Variants in LRRC4C observed in about 807,000 individuals in gnomAD.
The protein encoded by LRRC4C is leucine-rich repeat-containing protein 4C.
Under a neutral mutation model 33.6 loss-of-function variants are expected in LRRC4C, and 5 were observed. The ratio of observed to expected loss-of-function variants is 0.15; its 90% CI spans 0.08 to 0.31. The LOEUF is 0.31. LRRC4C is among the 10% of genes least tolerant of loss of function. LRRC4C has a pLI of 1.00. For missense variants in LRRC4C, 560 were observed against 796.7 expected (o/e 0.70, Z 3.58); for synonymous variants, 329 against 302.0 (o/e 1.09, Z -0.93).
chr11:41,294,006 C>G (rs1950067642), intron 1 of LRRC4C, among the ~76,000 whole-genome samples: 1 of 152,114 alleles, frequency 6.6e-6, no homozygotes, highest in Non-Finnish European at 1.5e-5. Flanking sequence ...GACAATTGAA[C>G]TCAGTGGCTT....
At chr11:40,934,815 A>T (rs1333613747) in intron 1 of LRRC4C, among the ~76,000 whole-genome samples, 1 of 151,872 alleles carries the variant, frequency 6.6e-6, no homozygotes, top group African/African-American at 2.4e-5. Flanking sequence ...AGCCCAGCCA[A>T]CTCTCTACTT....
At chr11:40,639,320 C>T (rs58899013) in intron 3 of LRRC4C, among the ~76,000 whole-genome samples, 27 of 152,298 alleles carry the variant, frequency 1.8e-4, no homozygotes, top group African/African-American at 6.3e-4. Context: ...CCTGCACCAG[C>T]CTGTAAGAGA....
intron 3 of LRRC4C, among the ~76,000 whole-genome samples, chr11:40,496,350 G>A (rs957141014): frequency 7.9e-5 from 12 of 152,016 alleles, no homozygotes; most frequent in African/African-American, 2.2e-4. Context: ...TATTTAAGGC[G>A]TATAAAGTGA....
chr11:40,547,177 C>T (rs1417379373), intron 3 of LRRC4C, among the ~76,000 whole-genome samples: 1 of 152,090 alleles, frequency 6.6e-6, no homozygotes, highest in Non-Finnish European at 1.5e-5. Context: ...ATAACAACAG[C>T]TATATTCAGC....
At chr11:40,234,937 C>T (rs1330682510) in intron 5 of LRRC4C, among the ~76,000 whole-genome samples, 9 of 152,176 alleles carry the variant, frequency 5.9e-5, no homozygotes, top group Non-Finnish European at 1.0e-4. Context: ...CAAGGTTTCT[C>T]CCCATTGAGA....
At chr11:41,150,792 AAAATAAAAT>A (rs1943958316) in intron 1 of LRRC4C, among the ~76,000 whole-genome samples, 1 of 1,890 alleles carries the variant, frequency 5.3e-4, no homozygotes, top group Non-Finnish European at 5.8e-3. Context: ...ATAAATAAAT[AAAATAAAAT>A]AAAATAAAAT....
chr11:40,692,440 T>C (rs1357862704), intron 2 of LRRC4C, among the ~76,000 whole-genome samples: 1 of 152,042 alleles, frequency 6.6e-6, no homozygotes, highest in Non-Finnish European at 1.5e-5. Flanking sequence ...ACCTTTGTAG[T>C]TCTGTTTTTC....
intron 4 of LRRC4C, among the ~76,000 whole-genome samples, chr11:40,251,143 A>C (rs75393264): frequency 4.6e-5 from 7 of 152,172 alleles, no homozygotes; most frequent in Admixed American, 4.6e-4. Context: ...CTGAGAACCA[A>C]TGTACATAAT....
intron 1 of LRRC4C, among the ~76,000 whole-genome samples, chr11:40,998,261 T>TA (rs3075559): frequency 1.5e-4 from 23 of 149,288 alleles, no homozygotes; most frequent in South Asian, 6.3e-4. Flanking sequence ...TCCCAGAACT[T>TA]AAAAAAAAAA....
At chr11:40,661,701 G>C (rs1480868681) in intron 2 of LRRC4C, among the ~76,000 whole-genome samples, 2 of 152,184 alleles carry the variant, frequency 1.3e-5, no homozygotes, top group African/African-American at 4.8e-5. Context: ...TATCATAAAT[G>C]TTCCATTAAT....
chr11:40,632,352 T>C (rs1165610126), intron 3 of LRRC4C, among the ~76,000 whole-genome samples: 1 of 152,182 alleles, frequency 6.6e-6, no homozygotes, highest in Admixed American at 6.5e-5. Context: ...AACAGGATGG[T>C]AATTTGCGGA....
chr11:40,496,239 C>T (rs905912667), intron 3 of LRRC4C, among the ~76,000 whole-genome samples: 2 of 150,902 alleles, frequency 1.3e-5, no homozygotes, highest in Non-Finnish European at 3.0e-5. Flanking sequence ...TTTGGTTACT[C>T]AGCTCTATGG....
intron 5 of LRRC4C, among the ~76,000 whole-genome samples, chr11:40,185,438 G>A (rs1286241390): frequency 6.6e-6 from 1 of 151,912 alleles, no homozygotes; most frequent in Non-Finnish European, 1.5e-5. Context: ...TCCCATACAG[G>A]GACTGACGCT....
chr11:40,314,443 C>T (rs1032414168), intron 4 of LRRC4C, among the ~76,000 whole-genome samples: 42 of 152,092 alleles, frequency 2.8e-4, no homozygotes, highest in African/African-American at 1.0e-3. Context: ...CTCTTATACA[C>T]TGTTGGAAAC....
intron 5 of LRRC4C, among the ~76,000 whole-genome samples, chr11:40,174,911 A>C (rs928681253): frequency 1.3e-5 from 2 of 152,208 alleles, no homozygotes; most frequent in Admixed American, 1.3e-4. Flanking sequence ...TCACAGAGCT[A>C]TTCTGTGATA....
intron 2 of LRRC4C, among the ~76,000 whole-genome samples, chr11:40,926,839 T>C (rs1296285173): frequency 6.6e-6 from 1 of 152,124 alleles, no homozygotes; most frequent in African/African-American, 2.4e-5. Flanking sequence ...CAATAAAATG[T>C]TGAATAAAAA....
At chr11:40,212,606 A>T (rs560957369) in intron 5 of LRRC4C, among the ~76,000 whole-genome samples, 1 of 152,256 alleles carries the variant, frequency 6.6e-6, no homozygotes, top group Non-Finnish European at 1.5e-5. Flanking sequence ...ATAATAATAT[A>T]TCCAGCACTT....
intron 1 of LRRC4C, among the ~76,000 whole-genome samples, chr11:40,936,546 C>T (rs1361163522): frequency 2.0e-5 from 3 of 151,878 alleles, no homozygotes; most frequent in Non-Finnish European, 4.4e-5. Flanking sequence ...CCATGTTCGC[C>T]AGGATGGTCT....
chr11:40,701,822 A>T (rs948685620), intron 2 of LRRC4C, among the ~76,000 whole-genome samples: 2 of 151,852 alleles, frequency 1.3e-5, no homozygotes, highest in African/African-American at 4.8e-5. Context: ...ACAGAAATTT[A>T]AAAAATCATT....
Sources: gnomAD v4.1 joint callset for allele counts (sites outside exome capture counted in the v4.1 genomes callset) on GRCh38, gnomAD v4.1.1 for gene constraint, MANE v1.5 for transcripts, NCBI Gene and HGNC (gene_info 2026-07-23, HGNC 2026-07-21) for gene names.